Variants in BMAL2 observed in about 807,000 individuals in gnomAD.
The protein encoded by BMAL2 is basic helix-loop-helix ARNT-like protein 2.
chr12:27,363,500 C>T, the BMAL2 span, among the ~76,000 whole-genome samples: 4 of 152,172 alleles, frequency 2.6e-5, no homozygotes, highest in South Asian at 8.3e-4. Context: ...TCAAATTTTT[C>T]AATTGTAGCC....
the BMAL2 span, among the ~76,000 whole-genome samples, chr12:27,411,008 T>G: frequency 2.0e-5 from 3 of 152,186 alleles, no homozygotes; most frequent in Non-Finnish European, 4.4e-5. Flanking sequence ...ACTATCTTAA[T>G]GTATAAAGAG....
chr12:27,370,149 A>G, the BMAL2 span: 6 of 1,614,012 alleles, frequency 3.7e-6, no homozygotes, highest in Non-Finnish European at 5.1e-6. Flanking sequence ...ATGACAGAAA[A>G]AGTGGTGGAA....
the BMAL2 span, chr12:27,418,045 C>T: frequency 8.0e-7 from 1 of 1,253,382 alleles, no homozygotes; most frequent in Non-Finnish European, 1.1e-6. Flanking sequence ...TGTCCTTATT[C>T]TAGTAGGAAC....
chr12:27,342,039 C>T, the BMAL2 span, among the ~76,000 whole-genome samples: 1 of 152,150 alleles, frequency 6.6e-6, no homozygotes, highest in East Asian at 1.9e-4. Flanking sequence ...TGGGTTCAAG[C>T]AATTCTCATG....
At chr12:27,361,046 CAA>C in the BMAL2 span, among the ~76,000 whole-genome samples, 1 of 152,042 alleles carries the variant, frequency 6.6e-6, no homozygotes. Context: ...GGTAATGGAA[CAA>C]AAGTTTTAAA....
chr12:27,415,221 GT>G, the BMAL2 span, among the ~76,000 whole-genome samples: 30 of 152,298 alleles, frequency 2.0e-4, no homozygotes, highest in Non-Finnish European at 3.2e-4. Context: ...TAGGTTTTAG[GT>G]GCTGTCAACA....
the BMAL2 span, among the ~76,000 whole-genome samples, chr12:27,348,042 G>C: frequency 6.6e-6 from 1 of 152,062 alleles, no homozygotes; most frequent in East Asian, 1.9e-4. Context: ...ATAATCCCTG[G>C]GGCTCTCTGA....
the BMAL2 span, among the ~76,000 whole-genome samples, chr12:27,370,731 G>A: frequency 1.3e-5 from 2 of 151,868 alleles, no homozygotes; most frequent in African/African-American, 2.4e-5. Flanking sequence ...TCAGCCTCCC[G>A]AGTAGCTGGG....
chr12:27,382,198 G>T, the BMAL2 span, among the ~76,000 whole-genome samples: 1 of 152,166 alleles, frequency 6.6e-6, no homozygotes, highest in African/African-American at 2.4e-5. Context: ...GCTCAACTGA[G>T]GTCATTTGAT....
the BMAL2 span, among the ~76,000 whole-genome samples, chr12:27,352,971 AAG>A: frequency 1.3e-5 from 2 of 152,248 alleles, no homozygotes; most frequent in African/African-American, 2.4e-5. Flanking sequence ...CATGGATAGG[AAG>A]AATCAATATT....
the BMAL2 span, among the ~76,000 whole-genome samples, chr12:27,333,820 TG>T: frequency 4.6e-5 from 7 of 152,252 alleles, no homozygotes; most frequent in Admixed American, 1.3e-4. Context: ...TGAATGGAGT[TG>T]GAAGTTTGCG....
the BMAL2 span, among the ~76,000 whole-genome samples, chr12:27,386,330 C>G: frequency 6.6e-6 from 1 of 152,172 alleles, no homozygotes; most frequent in Admixed American, 6.5e-5. Context: ...TTCATGGAAC[C>G]CTGCTTCTGC....
the BMAL2 span, among the ~76,000 whole-genome samples, chr12:27,411,599 T>C: frequency 6.6e-6 from 1 of 152,194 alleles, no homozygotes; most frequent in Non-Finnish European, 1.5e-5. Flanking sequence ...ATTAGTGATA[T>C]CGACTGCCTT....
At chr12:27,420,050 A>ACACACACAC in the BMAL2 span, among the ~76,000 whole-genome samples, 83 of 59,550 alleles carry the variant, frequency 1.4e-3, 1 homozygote, top group African/African-American at 5.5e-3. Context: ...CACACACACA[A>ACACACACAC]ACATACACTA....
chr12:27,415,205 GGA>G, the BMAL2 span, among the ~76,000 whole-genome samples: 1 of 152,180 alleles, frequency 6.6e-6, no homozygotes, highest in South Asian at 2.1e-4. Context: ...AGATTTGCTA[GGA>G]GAGTAGGTTT....
the BMAL2 span, among the ~76,000 whole-genome samples, chr12:27,417,896 G>A: frequency 6.6e-6 from 1 of 152,086 alleles, no homozygotes; most frequent in Non-Finnish European, 1.5e-5. Flanking sequence ...GGGAGGCTGA[G>A]GCAAGAGAAT....
At chr12:27,375,421 T>C in the BMAL2 span, among the ~76,000 whole-genome samples, 1 of 152,210 alleles carries the variant, frequency 6.6e-6, no homozygotes. Context: ...GAAATATTCA[T>C]GTTAGAGTGT....
the BMAL2 span, among the ~76,000 whole-genome samples, chr12:27,408,227 TC>T: frequency 1.3e-5 from 2 of 152,164 alleles, no homozygotes; most frequent in East Asian, 3.8e-4. Context: ...GAGGGAATCC[TC>T]CCTAACTAAT....
the BMAL2 span, chr12:27,418,136 C>T: frequency 6.2e-7 from 1 of 1,613,334 alleles, no homozygotes; most frequent in Non-Finnish European, 8.5e-7. Context: ...AATGGGGGAG[C>T]TAGAGGCTAC....
Sources: allele counts gnomAD v4.1 joint callset (sites outside exome capture counted in the v4.1 genomes callset), GRCh38; gene constraint gnomAD v4.1.1; transcripts MANE v1.5; gene names NCBI Gene and HGNC (gene_info 2026-07-23, HGNC 2026-07-21).